The following OTP variants were observed in gnomAD, a reference collection of about 807,000 sequenced individuals.
OTP encodes the protein orthopedia homeobox, also known as homeobox protein orthopedia.
Under a neutral mutation model 22.3 loss-of-function variants are expected in OTP, and 5 were observed. The ratio of observed to expected loss-of-function variants is 0.22; its 90% confidence interval spans 0.12 to 0.47. OTP has a LOEUF of 0.47. Among genes scored for constraint, OTP ranks in the 20% least tolerant of loss-of-function variants. OTP has a pLI of 0.99. For synonymous variants in OTP, 229 were observed against 210.6 expected (o/e 1.09, Z -0.76); for missense variants, 428 against 456.2 (o/e 0.94, Z 0.56).
At chr5:77,631,401 G>C (rs536584395) in intron 2 of OTP, among the ~76,000 whole-genome samples, 4 of 152,066 alleles carry the variant, frequency 2.6e-5, no homozygotes, top group Middle Eastern at 3.4e-3. Flanking sequence ...GTGTTGTTTG[G>C]GTCACCACCA....
At chr5:77,635,372 C>T (rs1395191032) in intron 2 of OTP, among the ~76,000 whole-genome samples, 2 of 152,120 alleles carry the variant, frequency 1.3e-5, no homozygotes, top group African/African-American at 4.8e-5. Flanking sequence ...GCATTACTAA[C>T]ACATGTTTAC....
chr5:77,632,001 C>T (rs978837367), intron 2 of OTP, among the ~76,000 whole-genome samples: 1 of 152,094 alleles, frequency 6.6e-6, no homozygotes, highest in Admixed American at 6.6e-5. Context: ...CATTTCACTA[C>T]GAGATATATG....
chr5:77,632,347 G>A (rs772393307), intron 2 of OTP, among the ~76,000 whole-genome samples: 20 of 152,326 alleles, frequency 1.3e-4, no homozygotes, highest in Admixed American at 5.2e-4. Flanking sequence ...TGGTCATCTG[G>A]CGTTTACTGT....
rs368759777 is a variant in OTP, at chr5:77,633,381, T to C, written c.448-2587A>G. Among the ~76,000 whole-genome samples the C allele has an allele frequency of 3.9e-3, 590 of 152,318 alleles. 3 individuals are homozygous for C. The highest frequency in any genetic ancestry group is 0.014 in the African/African-American group (563 of 41,564). On this transcript the variant is annotated intron_variant, in intron 2 of 2. Coordinates refer to ENST00000306422, the MANE Select transcript of OTP (RefSeq NM_032109.3). ...CTTACTGGGATTGGGAAAAAAAATC[T>C]GCGTGGGGTCTGAGCACCTCCGTTC...
Position 77,638,563 on chromosome 5 carries a change from A to G in OTP, c.-14T>C, listed in dbSNP as rs886218629. The G allele has an allele frequency of 2.6e-6, 4 of 1,560,380 alleles. No homozygotes were observed. Among genetic ancestry groups the G allele is most frequent in the Non-Finnish European group, 3.5e-6 (4 of 1,158,054 alleles). ...ATGAGACAGCATCGCGCACCGCTCC[A>G]GGGCGAAAGCTGTTCCCCCCCAAAT... On this transcript the variant is annotated 5_prime_UTR_variant, in exon 1 of 3. Transcript: ENST00000306422.
rs529965913 is a variant in OTP at position 77,630,812 on chromosome 5, G to A, written c.448-18C>T. ...AACCAGACCTGGAGCGGGCGGGGCGGGAGACAGACAGGGAGCTATTAGCCG... is the reference window on the plus strand; with the variant it reads ...AACCAGACCTGGAGCGGGCGGGGCGAGAGACAGACAGGGAGCTATTAGCCG... On this transcript the variant is annotated intron_variant, in intron 2 of 2. Coordinates refer to ENST00000306422, the MANE Select transcript of OTP (RefSeq NM_032109.3). The A allele has an allele frequency of 6.6e-6, 10 of 1,518,754 alleles. No individual in the cohort carries two copies. Among genetic ancestry groups the A allele is most frequent in the Admixed American group, 2.1e-5 (1 of 47,524 alleles). The allele number at this position is 1,518,754 out of a possible 1,614,324, so 94.1% of individuals were successfully genotyped here.
At chr5:77,635,395 A>T in intron 2 of OTP, among the ~76,000 whole-genome samples, 1 of 152,238 alleles carries the variant, frequency 6.6e-6, no homozygotes, top group East Asian at 1.9e-4. Context: ...TTACACAATT[A>T]GTACTCTTTT....
chr5:77,636,652 C>A (rs1049158055), intron 2 of OTP, 169 bp downstream of exon 2: 70 of 629,982 alleles, frequency 1.1e-4, no homozygotes, highest in Non-Finnish European at 8.1e-6. Flanking sequence ...TGGGGGATGG[C>A]GATGGGGACC....
chr5:77,629,127 GACAGAA>G lies in OTP; in HGVS notation c.*1131_*1136del, dbSNP rs1744877561. The stretch of plus-strand genomic sequence containing the variant: ...AACCAAGGGCACAGAGCAGCGAGAA[GACAGAA>G]ACAGAAAAGGAAGCAAACAAACCCC... On this transcript the variant is annotated 3_prime_UTR_variant, in exon 3 of 3. Transcript: ENST00000306422. 6.5e-6 allele frequency: 1 copy of G among 152,686 alleles called. No individual in the cohort carries two copies. Among genetic ancestry groups the G allele is most frequent in the Admixed American group, 6.5e-5 (1 of 15,292 alleles). 9.5% of individuals were successfully genotyped at this position (152,686 alleles called of 1,614,324 possible).
Position 77,637,237 on chromosome 5 carries a change from A to G in OTP, c.38-7T>C, listed in dbSNP as rs1318661899. On this transcript the variant is annotated splice_polypyrimidine_tract_variant and splice_region_variant and intron_variant, in intron 1 of 2. Coordinates refer to ENST00000306422, the MANE Select transcript of OTP (RefSeq NM_032109.3). ...TCGGCGGCATCTTTCATACCTGAGG[A>G]GGCAAGGGGATCGCGGTCACTACTT... The G allele has an allele frequency of 6.7e-7, 1 of 1,483,224 alleles. No homozygotes were observed. Among genetic ancestry groups the G allele is most frequent in the Non-Finnish European group, 8.9e-7 (1 of 1,117,440 alleles). The allele number at this position is 1,483,224 out of a possible 1,614,324, so 91.9% of individuals were successfully genotyped here. A position where few individuals can be genotyped will look rare whatever the true frequency, so the allele number is the denominator to read the frequency against.
chr5:77,630,551 C>T lies in OTP; in HGVS notation c.691G>A (p.Ala231Thr). The T allele has an allele frequency of 6.4e-7, 1 of 1,572,828 alleles. No individual in the cohort carries two copies. Among genetic ancestry groups the T allele is most frequent in the South Asian group, 1.2e-5 (1 of 86,742 alleles). The change falls in exon 3 of 3, where the codon GCC (alanine) becomes ACC (threonine). Residue 231 changes from alanine (A) to threonine (T), a missense_variant. Physicochemically the swap from Ala to Thr is moderately conservative, Grantham distance 58. Coordinates refer to ENST00000306422, the MANE Select transcript of OTP (RefSeq NM_032109.3). ...PLPPALGRQQAMAQSLSQCSL... is the reference protein window; with the variant it reads ...PLPPALGRQQTMAQSLSQCSL... ...CACTGGGACAGCGACTGCGCCATGG[C>T]CTGCTGCCTGCCCAGCGCCGGCGGC...
Position 77,630,613 on chromosome 5 carries a change from G to A in OTP, c.629C>T (p.Ala210Val). The A allele has an allele frequency of 1.3e-6, 2 of 1,552,964 alleles. No homozygotes were observed. Among genetic ancestry groups the A allele is most frequent in the African/African-American group, 2.7e-5 (2 of 73,498 alleles). The change falls in exon 3 of 3, where the codon GCG (alanine) becomes GTG (valine). Residue 210 changes from alanine to valine, a missense_variant. Coordinates refer to ENST00000306422, the MANE Select transcript of OTP (RefSeq NM_032109.3). ...TGACACGCCAGGCATGGCGGCCGCC[G>A]CCCAGCGGGTGTCGTTGGCGTGGAA... is the stretch of plus-strand genomic sequence containing the variant. ...CSFHANDTRW[A>V]AAAMPGVSQL... is the part of the protein sequence containing the mutation.
In OTP at chr5:77,637,201, G is replaced by A. The variant is rs1399429766; in HGVS notation, c.67C>T (p.His23Tyr). ...AGCCTACACTTCACCGCCTCCCGGT[G>A]GCCCAGAAGCTCGGCGGCATCTTTC... ...GMKDAAELLG[H>Y]REAVKCRLGV... Residue 23 changes from histidine to tyrosine, a missense_variant, in exon 2 of 3, where the codon CAC becomes TAC. Transcript: ENST00000306422. 1.3e-6 allele frequency: 2 copies of A among 1,540,242 alleles called. No individual in the cohort carries two copies. The highest frequency in any genetic ancestry group is 2.7e-5 in the African/African-American group (2 of 73,272).
chr5:77,630,391 G>T lies in OTP; in HGVS notation c.851C>A (p.Pro284His). The T allele has an allele frequency of 6.3e-7, 1 of 1,579,806 alleles. No individual in the cohort carries two copies. The highest frequency in any genetic ancestry group is 1.8e-5 in the Admixed American group (1 of 55,820). The change falls in exon 3 of 3, where the codon CCC becomes CAC. Residue 284 changes from proline to histidine, a missense_variant. Physicochemically the swap from Pro to His is moderately conservative, Grantham distance 77. Coordinates refer to ENST00000306422, the MANE Select transcript of OTP (RefSeq NM_032109.3). ...PGMVPASLPG[P>H]SNVSGSPQLC... ...CTGGGGCGAACCGGAGACGTTGCTG[G>T]GGCCGGGGAGGGAGGCGGGCACCAT...
At position 77,630,126 on chromosome 5, in the gene OTP, G is replaced by A. The variant is rs1336382682; in HGVS notation, c.*138C>T. The A allele has an allele frequency of 2.5e-6, 1 of 401,498 alleles. No homozygotes were observed. The highest frequency in any genetic ancestry group is 2.1e-5 in the African/African-American group (1 of 47,162). 24.9% of individuals were successfully genotyped at this position (401,498 alleles called of 1,614,324 possible). A position where few individuals can be genotyped will look rare whatever the true frequency, so the allele number is the denominator to read the frequency against. On this transcript the variant is annotated 3_prime_UTR_variant, in exon 3 of 3. Transcript: ENST00000306422. ...GGTGAGCCCGAGCGAGTGGAGGAGA[G>A]AGGCGAGGACGAAACGAGACGGGGC...
At chr5:77,636,613 C>T (rs1745011405) in intron 2 of OTP, 1 of 539,506 alleles carries the variant, frequency 1.9e-6, no homozygotes, top group Non-Finnish European at 3.2e-6. Flanking sequence ...TGTCGCTATA[C>T]TGGCCGGAGA....
intron 2 of OTP, among the ~76,000 whole-genome samples, chr5:77,634,702 T>G (rs1744981835): frequency 6.6e-6 from 1 of 152,222 alleles, no homozygotes; most frequent in Non-Finnish European, 1.5e-5. Context: ...TTCCATAAAT[T>G]ATTTTTGCAT....
At chr5:77,632,810 A>G (rs1326797370) in intron 2 of OTP, among the ~76,000 whole-genome samples, 1 of 152,134 alleles carries the variant, frequency 6.6e-6, no homozygotes, top group Non-Finnish European at 1.5e-5. Context: ...CAACGGATTA[A>G]TGAGGCAACA....
rs774256989 is a variant in OTP at position 77,630,471 on chromosome 5, C to T, written c.771G>A (p.Ala257=). ...ACTGCAGCCCCGCGCCGTTGGAACC[C>T]GCCAGGCTGTTGGACAGGCCCATGG... ...PNSMGLSNSL[A]GSNGAGLQSH... Residue 257 remains alanine, a synonymous_variant, in exon 3 of 3, where the codon GCG becomes GCA. Coordinates refer to ENST00000306422, the MANE Select transcript of OTP (RefSeq NM_032109.3). 2.5e-6 allele frequency: 4 copies of T among 1,590,248 alleles called. No homozygotes were observed. Among genetic ancestry groups the T allele is most frequent in the South Asian group, 2.3e-5 (2 of 87,654 alleles).
Sources: allele counts gnomAD v4.1 joint callset (sites outside exome capture counted in the v4.1 genomes callset), GRCh38; gene constraint gnomAD v4.1.1; transcripts MANE v1.5; gene names NCBI Gene and HGNC (gene_info 2026-07-23, HGNC 2026-07-21).